The following GARIN1A variants were observed in gnomAD, a reference collection of about 807,000 sequenced individuals.
GARIN1A encodes the protein golgi associated RAB2 interactor 1A, also known as Golgi-associated RAB2 interactor protein 1A.
the GARIN1A span, among the ~76,000 whole-genome samples, chr7:128,701,407 A>G: frequency 2.1e-3 from 7 of 3,358 alleles, no homozygotes; most frequent in Admixed American, 3.7e-3. Context: ...GGGAAGGGGA[A>G]GGGAAGGGGA....
At chr7:128,699,233 T>A in the GARIN1A span, among the ~76,000 whole-genome samples, 1 of 149,002 alleles carries the variant, frequency 6.7e-6, no homozygotes, top group Non-Finnish European at 1.5e-5. Flanking sequence ...CTAAAGTAAT[T>A]TTGGGGCCTG....
chr7:128,697,131 C>A, the GARIN1A span, among the ~76,000 whole-genome samples: 3 of 152,170 alleles, frequency 2.0e-5, no homozygotes, highest in South Asian at 6.2e-4. Flanking sequence ...TTCAGATCCC[C>A]TACACAACCT....
chr7:128,673,362 GGC>G, the GARIN1A span, among the ~76,000 whole-genome samples: 8 of 3,980 alleles, frequency 2.0e-3, no homozygotes, highest in Non-Finnish European at 0.077. Flanking sequence ...AGGTGCTGGG[GGC>G]ATTCATTCAA....
chr7:128,678,369 A>G, the GARIN1A span, among the ~76,000 whole-genome samples: 1 of 152,198 alleles, frequency 6.6e-6, no homozygotes, highest in African/African-American at 2.4e-5. Context: ...ATTTATATGT[A>G]TGATCTACAT....
the GARIN1A span, among the ~76,000 whole-genome samples, chr7:128,702,086 G>GT: frequency 1.3e-5 from 2 of 151,998 alleles, no homozygotes; most frequent in African/African-American, 4.8e-5. Flanking sequence ...TACAAAAGAG[G>GT]TAAAAAACCT....
At chr7:128,673,181 GCAC>G in the GARIN1A span, among the ~76,000 whole-genome samples, 1 of 152,194 alleles carries the variant, frequency 6.6e-6, no homozygotes. Flanking sequence ...CAGCCAGTAA[GCAC>G]ACACTAAACA....
chr7:128,696,190 T>C, the GARIN1A span, among the ~76,000 whole-genome samples: 1 of 151,790 alleles, frequency 6.6e-6, no homozygotes, highest in Non-Finnish European at 1.5e-5. Flanking sequence ...TTTAAAAATA[T>C]TATTATTTGT....
the GARIN1A span, among the ~76,000 whole-genome samples, chr7:128,679,812 G>C: frequency 2.0e-5 from 3 of 152,184 alleles, no homozygotes; most frequent in African/African-American, 7.2e-5. Context: ...ACTCAGGACA[G>C]AGCAGCCACT....
the GARIN1A span, among the ~76,000 whole-genome samples, chr7:128,695,285 G>T: frequency 1.3e-5 from 2 of 152,168 alleles, no homozygotes; most frequent in African/African-American, 2.4e-5. This position sits in a 1 kb window ranked among gnomAD's most constrained non-coding sequence, Gnocchi z 4.5. Flanking sequence ...ATGCTGTCCG[G>T]CTTTGGTTGG....
the GARIN1A span, among the ~76,000 whole-genome samples, chr7:128,708,401 C>T: frequency 6.6e-6 from 1 of 151,990 alleles, no homozygotes. Context: ...GGAGGTGTAT[C>T]CTATTCTCAT....
the GARIN1A span, chr7:128,680,022 T>C: frequency 2.0e-6 from 3 of 1,538,130 alleles, no homozygotes; most frequent in Non-Finnish European, 2.6e-6. Context: ...GCTAAATTTC[T>C]CCATCCAGCC....
the GARIN1A span, among the ~76,000 whole-genome samples, chr7:128,692,803 T>C: frequency 6.6e-6 from 1 of 152,184 alleles, no homozygotes; most frequent in Non-Finnish European, 1.5e-5. Flanking sequence ...CATGAATGTA[T>C]AGAAACGCGT....
the GARIN1A span, chr7:128,675,594 G>A: frequency 6.8e-7 from 1 of 1,466,772 alleles, no homozygotes. Flanking sequence ...CCCCCAAGAT[G>A]ATGTGCCACT....
At chr7:128,689,432 C>T in the GARIN1A span, among the ~76,000 whole-genome samples, 1 of 152,046 alleles carries the variant, frequency 6.6e-6, no homozygotes, top group Non-Finnish European at 1.5e-5. Flanking sequence ...AGGAGCGCCT[C>T]TGCCCGGCCG....
At chr7:128,703,909 G>A in the GARIN1A span, among the ~76,000 whole-genome samples, 1 of 152,170 alleles carries the variant, frequency 6.6e-6, no homozygotes, top group South Asian at 2.1e-4. Context: ...GAGGTGACTC[G>A]ACGTTGGAGG....
chr7:128,672,406 A>T, the GARIN1A span: 2 of 1,607,574 alleles, frequency 1.2e-6, no homozygotes, highest in Non-Finnish European at 1.7e-6. Flanking sequence ...CAATGAGTAA[A>T]ATCAGGGGCC....
chr7:128,687,662 CGT>C, the GARIN1A span: 1 of 152,150 alleles, frequency 6.6e-6, no homozygotes, highest in Non-Finnish European at 1.5e-5. Context: ...CCTTGCTAAG[CGT>C]GTCAAATTTC....
At chr7:128,680,709 C>T in the GARIN1A span, among the ~76,000 whole-genome samples, 72 of 152,068 alleles carry the variant, frequency 4.7e-4, no homozygotes, top group Non-Finnish European at 7.5e-4. Flanking sequence ...GGATTACAGG[C>T]GACCGCCACC....
the GARIN1A span, among the ~76,000 whole-genome samples, chr7:128,706,370 G>A: frequency 1.3e-5 from 2 of 152,108 alleles, no homozygotes; most frequent in African/African-American, 4.8e-5. Flanking sequence ...CTACTGTGGT[G>A]TCACTGCTTG....
Sources: allele counts gnomAD v4.1 joint callset (sites outside exome capture counted in the v4.1 genomes callset), GRCh38; gene constraint gnomAD v4.1.1; non-coding constraint Gnocchi (gnomAD v3.1); transcripts MANE v1.5; gene names NCBI Gene and HGNC (gene_info 2026-07-23, HGNC 2026-07-21).